Variants in PCLO observed in about 807,000 individuals in gnomAD.
PCLO encodes the protein piccolo presynaptic cytomatrix protein, also known as protein piccolo.
In PCLO, 82 loss-of-function variants were observed where a neutral mutation model predicts 427.5. The ratio of observed to expected loss-of-function variants is 0.19; its 90% CI spans 0.16 to 0.23. PCLO has a LOEUF of 0.23. Among genes scored for constraint, PCLO ranks in the 10% least tolerant of loss-of-function variants. PCLO has a pLI of 1.00. For synonymous variants in PCLO, 2,357 were observed against 2,155.4 expected, an observed-to-expected ratio of 1.09 and a Z score of -2.59; for missense variants, 6,239 against 6,115.9, an observed-to-expected ratio of 1.02 and a Z score of -0.67.
intron 20 of PCLO, among the ~76,000 whole-genome samples, chr7:82,810,770 A>T (rs1049107422): frequency 9.2e-5 from 14 of 151,694 alleles, no homozygotes; most frequent in African/African-American, 3.1e-4. Flanking sequence ...GTCTTCAATT[A>T]GTTTGCTCTG....
Position 82,908,957 on chromosome 7 carries a change from A to G in PCLO, c.13357T>C (p.Leu4453=), listed in dbSNP as rs764032684. The change falls in exon 8 of 25, where the codon TTG becomes CTG. Residue 4453 remains leucine (L), a synonymous_variant. Coordinates refer to ENST00000333891, the MANE Select transcript of PCLO (RefSeq NM_033026.6). ...DWFDKPRESR[L]ENGHGLDRKL... is the part of the protein sequence containing the mutation. The stretch of plus-strand genomic sequence containing the variant: ...CGGTCCAGACCATGTCCATTTTCCA[A>G]ACGAGACTCCCTGGGTTTATCAAAC... 8 of 1,612,942 alleles carry G rather than the reference A, an allele frequency of 5.0e-6. No individual in the cohort carries two copies. Among genetic ancestry groups the G allele is most frequent in the Non-Finnish European group, 6.8e-6 (8 of 1,179,238 alleles).
chr7:82,805,621 A>T (rs1283826716), intron 21 of PCLO, 67 bp downstream of exon 21: 2 of 1,466,252 alleles, frequency 1.4e-6, no homozygotes. Flanking sequence ...ATTTCCTGTT[A>T]ACTGTTGAGA....
intron 3 of PCLO, among the ~76,000 whole-genome samples, chr7:83,093,961 A>G (rs774826340): frequency 1.7e-4 from 26 of 151,736 alleles, no homozygotes; most frequent in Non-Finnish European, 3.4e-4. Flanking sequence ...TTGCAAAACC[A>G]CAGTACAACC....
At chr7:82,988,198 A>T (rs1796297476) in intron 3 of PCLO, among the ~76,000 whole-genome samples, 1 of 151,792 alleles carries the variant, frequency 6.6e-6, no homozygotes, top group Non-Finnish European at 1.5e-5. Flanking sequence ...TTTCTTTTTT[A>T]AAAAAAATTT....
At chr7:82,871,524 C>T (rs941422658) in intron 10 of PCLO, among the ~76,000 whole-genome samples, 3 of 151,644 alleles carry the variant, frequency 2.0e-5, no homozygotes, top group Admixed American at 6.6e-5. Flanking sequence ...GGAATAACTT[C>T]TAGAGTTTGA....
intron 3 of PCLO, among the ~76,000 whole-genome samples, chr7:83,125,167 G>A (rs985797441): frequency 2.6e-5 from 4 of 152,064 alleles, no homozygotes; most frequent in African/African-American, 2.4e-5. Context: ...GCCTCTGCCC[G>A]GCCGCCACCC....
At chr7:82,929,858 A>G (rs1001414063) in intron 6 of PCLO, among the ~76,000 whole-genome samples, 1 of 152,252 alleles carries the variant, frequency 6.6e-6, no homozygotes, top group Non-Finnish European at 1.5e-5. Context: ...GTGAATTCTA[A>G]TTGTTTGTCC....
At chr7:82,805,186 G>A (rs1791433090) in intron 21 of PCLO, among the ~76,000 whole-genome samples, 2 of 151,730 alleles carry the variant, frequency 1.3e-5, no homozygotes, top group Admixed American at 1.3e-4. Flanking sequence ...TAGAAAGTAT[G>A]GAAACACTTC....
At chr7:82,918,345 C>T (rs1272717443) in intron 6 of PCLO, among the ~76,000 whole-genome samples, 1 of 151,904 alleles carries the variant, frequency 6.6e-6, no homozygotes, top group Non-Finnish European at 1.5e-5. Flanking sequence ...ACTTACTACA[C>T]AACACATTAC....
intron 6 of PCLO, among the ~76,000 whole-genome samples, chr7:82,918,718 T>C (rs1033678473): frequency 2.6e-5 from 4 of 152,092 alleles, no homozygotes; most frequent in African/African-American, 9.6e-5. Context: ...CATAAGCATT[T>C]GAAAATTTAA....
Position 82,758,474 on chromosome 7 carries a change from T to C in PCLO, c.*101A>G, listed in dbSNP as rs1234978232. The stretch of plus-strand genomic sequence containing the variant: ...TTTTTGCTTGTTGTTCCCACTCTTA[T>C]GTTTGCCTCTCAAAACTTAGCTTTG... On this transcript the variant is annotated 3_prime_UTR_variant, in exon 25 of 25. Transcript: ENST00000333891. 4.4e-6 allele frequency: 4 copies of C among 908,522 alleles called. No individual in the cohort carries two copies. The highest frequency in any genetic ancestry group is 6.5e-6 in the Non-Finnish European group (4 of 615,912). 56.3% of individuals were successfully genotyped at this position (908,522 alleles called of 1,614,324 possible).
At chr7:82,912,714 A>C (rs534788582) in intron 7 of PCLO, among the ~76,000 whole-genome samples, 2 of 152,214 alleles carry the variant, frequency 1.3e-5, no homozygotes, top group East Asian at 3.9e-4. Flanking sequence ...TGACCTATAC[A>C]TCATTCAAAC....
At chr7:82,822,728 C>T in intron 19 of PCLO, 39 bp from the exon 20 acceptor site, 1 of 1,560,898 alleles carries the variant, frequency 6.4e-7, no homozygotes, top group South Asian at 1.1e-5. Context: ...AAAGTTGTTC[C>T]AGCATTCCTC....
chr7:83,017,963 G>C (rs559065624), intron 3 of PCLO: 21 of 152,070 alleles, frequency 1.4e-4, no homozygotes, highest in Admixed American at 1.3e-3. Context: ...TTTGGGCCTG[G>C]TTAGTACTAG....
chr7:83,122,752 C>T (rs2116568247), intron 3 of PCLO, among the ~76,000 whole-genome samples: 1 of 152,158 alleles, frequency 6.6e-6, no homozygotes, highest in African/African-American at 2.4e-5. Flanking sequence ...TTAAAGACTC[C>T]ACCAGAAAAA....
intron 3 of PCLO, among the ~76,000 whole-genome samples, chr7:83,015,339 T>A (rs1788180794): frequency 6.6e-6 from 1 of 151,958 alleles, no homozygotes; most frequent in Non-Finnish European, 1.5e-5. Context: ...TTTTTTTCTT[T>A]TAGTCACATT....
At chr7:82,871,011 C>T (rs1376813022) in intron 10 of PCLO, among the ~76,000 whole-genome samples, 1 of 151,768 alleles carries the variant, frequency 6.6e-6, no homozygotes, top group African/African-American at 2.4e-5. Flanking sequence ...CTGTTTGTGG[C>T]CATGTAAATT....
At chr7:82,854,396 C>A (rs1050890973) in intron 10 of PCLO, among the ~76,000 whole-genome samples, 1 of 152,010 alleles carries the variant, frequency 6.6e-6, no homozygotes, top group African/African-American at 2.4e-5. Flanking sequence ...AAATTTTACT[C>A]CATCATACAC....
At position 82,897,977 on chromosome 7, in the gene PCLO, ATATT is replaced by A. The variant is rs934172667; in HGVS notation, c.13528+4670_13528+4673del. Among the ~76,000 whole-genome samples the A allele has an allele frequency of 4.6e-5, 7 of 151,486 alleles. 1 individual carries two copies. The highest frequency in any genetic ancestry group is 4.0e-4 in the Admixed American group (6 of 15,144). Reference sequence around the variant, plus strand: ...TATAAATTAAAATTGGGAATTAAAAATATTTATTAATGCATTTAAAATAATCTTA... The same window carrying A: ...TATAAATTAAAATTGGGAATTAAAAATATTAATGCATTTAAAATAATCTTA... On this transcript the variant is annotated intron_variant, in intron 9 of 24. Coordinates refer to ENST00000333891, the MANE Select transcript of PCLO (RefSeq NM_033026.6).
Sources: gnomAD v4.1 joint callset for allele counts (sites outside exome capture counted in the v4.1 genomes callset) on GRCh38, gnomAD v4.1.1 for gene constraint, MANE v1.5 for transcripts, NCBI Gene and HGNC (gene_info 2026-07-23, HGNC 2026-07-21) for gene names.